Variants in GFPT1 observed in about 807,000 individuals in gnomAD.
GFPT1 encodes the protein glutamine--fructose-6-phosphate aminotransferase [isomerizing] 1.
GFPT1 carries 40 observed loss-of-function variants against 92.0 expected under a neutral mutation model. The ratio of observed to expected loss-of-function variants is 0.43; its 90% confidence interval spans 0.34 to 0.57. The LOEUF (loss-of-function observed/expected upper bound fraction) is 0.57. Among genes scored for constraint, GFPT1 ranks in the 20% least tolerant of loss-of-function variants. GFPT1 has a pLI of 0.02. For synonymous variants in GFPT1, 269 were observed against 280.6 expected (o/e 0.96, Z 0.41); for missense variants, 448 against 869.1 (o/e 0.52, Z 6.09).
At position 69,323,489 on chromosome 2, in the gene GFPT1, G is replaced by C. The variant is rs1256218407; in HGVS notation, c.*2700C>G. The C allele has an allele frequency of 6.6e-6, 1 of 152,018 alleles. No homozygotes were observed. Among genetic ancestry groups the C allele is most frequent in the African/African-American group, 2.4e-5 (1 of 41,374 alleles). The allele number at this position is 152,018 out of a possible 1,614,324, so 9.4% of individuals were successfully genotyped here. A position where few individuals can be genotyped will look rare whatever the true frequency, so the allele number is the denominator to read the frequency against. Reference sequence around the variant, plus strand: ...ATAGAGAGTAAGAAGACAGGAGAGAGAGGAGAAACCATGTTTTTTGTTTTG... The same window carrying C: ...ATAGAGAGTAAGAAGACAGGAGAGACAGGAGAAACCATGTTTTTTGTTTTG... On this transcript the variant is annotated 3_prime_UTR_variant, in exon 20 of 20. Coordinates refer to ENST00000357308, the MANE Select transcript of GFPT1 (RefSeq NM_001244710.2).
intron 8 of GFPT1, 81 bp downstream of exon 8, chr2:69,354,408 C>G: frequency 7.8e-7 from 1 of 1,277,622 alleles, no homozygotes; most frequent in South Asian, 1.2e-5. Flanking sequence ...ACATGTGCAT[C>G]TGACCAAAGA....
At position 69,327,898 on chromosome 2, in the gene GFPT1, T is replaced by G. The variant is rs545715790; in HGVS notation, c.1893+373A>C. On this transcript the variant is annotated intron_variant, in intron 18 of 19. Transcript: ENST00000357308. Reference sequence around the variant, plus strand: ...CAGGTGGATCACTTCAGGTCAGGAGTTCGACACCAGCCTGGCCAACATGAA... The same window carrying G: ...CAGGTGGATCACTTCAGGTCAGGAGGTCGACACCAGCCTGGCCAACATGAA... Among the ~76,000 whole-genome samples the G allele has an allele frequency of 5.9e-5, 9 of 151,410 alleles. 1 individual carries two copies. The highest frequency in any genetic ancestry group is 2.2e-4 in the African/African-American group (9 of 41,230).
At chr2:69,330,227 A>T (rs1367082360) in intron 15 of GFPT1, among the ~76,000 whole-genome samples, 1 of 152,140 alleles carries the variant, frequency 6.6e-6, no homozygotes, top group Non-Finnish European at 1.5e-5. Flanking sequence ...AAACTATCTT[A>T]GTAACAGTGA....
intron 4 of GFPT1, among the ~76,000 whole-genome samples, 184 bp downstream of exon 4, chr2:69,363,361 C>T (rs549594966): frequency 3.9e-5 from 6 of 152,230 alleles, no homozygotes; most frequent in Admixed American, 2.6e-4. Flanking sequence ...AACTCAGGCT[C>T]CCAAAGTGCT....
At chr2:69,341,042 C>T (rs1670938776) in intron 13 of GFPT1, among the ~76,000 whole-genome samples, 1 of 151,802 alleles carries the variant, frequency 6.6e-6, no homozygotes, top group Non-Finnish European at 1.5e-5. Flanking sequence ...TCACTGCAGC[C>T]TCACCTTCTG....
chr2:69,353,413 G>T (rs1004702228), intron 9 of GFPT1, among the ~76,000 whole-genome samples: 5 of 151,762 alleles, frequency 3.3e-5, no homozygotes, highest in African/African-American at 7.3e-5. Flanking sequence ...ACATGCCTGT[G>T]GTCCCAGCTA....
At chr2:69,382,365 G>A (rs905336044) in intron 1 of GFPT1, among the ~76,000 whole-genome samples, 2 of 152,192 alleles carry the variant, frequency 1.3e-5, no homozygotes, top group Admixed American at 1.3e-4. Flanking sequence ...TTCAGGGCTT[G>A]TAGGTCAGGA....
intron 7 of GFPT1, 52 bp from the exon 8 acceptor site, chr2:69,354,620 T>C (rs375214637): frequency 4.8e-6 from 5 of 1,035,470 alleles, no homozygotes; most frequent in East Asian, 4.7e-5. Flanking sequence ...AATAATGGAC[T>C]AATGACATAA....
At chr2:69,371,851 T>A (rs1284032140) in intron 2 of GFPT1, among the ~76,000 whole-genome samples, 1 of 146,498 alleles carries the variant, frequency 6.8e-6, no homozygotes, top group Non-Finnish European at 1.5e-5. Flanking sequence ...AAATAAAAAT[T>A]AAAAATAAAT....
At chr2:69,373,828 T>C (rs1045747766) in intron 2 of GFPT1, among the ~76,000 whole-genome samples, 178 bp downstream of exon 2, 1 of 152,170 alleles carries the variant, frequency 6.6e-6, no homozygotes, top group Admixed American at 6.5e-5. Context: ...TCCACATAAA[T>C]GGTAACACTG....
At chr2:69,337,283 T>C (rs2104615116) in intron 15 of GFPT1, among the ~76,000 whole-genome samples, 1 of 152,200 alleles carries the variant, frequency 6.6e-6, no homozygotes, top group South Asian at 2.1e-4. Context: ...CAGGCTGGTC[T>C]TGAACTCCTG....
At chr2:69,387,021 C>T (rs990177072) in intron 1 of GFPT1, 44 bp downstream of exon 1, 1 of 1,449,284 alleles carries the variant, frequency 6.9e-7, no homozygotes, top group East Asian at 2.5e-5. Flanking sequence ...GCACCGCACC[C>T]CAGCGCCACC....
At chr2:69,368,581 A>G (rs1671666514) in intron 3 of GFPT1, among the ~76,000 whole-genome samples, 1 of 152,160 alleles carries the variant, frequency 6.6e-6, no homozygotes, top group Non-Finnish European at 1.5e-5. Context: ...TACAAAAATT[A>G]GCCGGGCATG....
At chr2:69,338,079 T>A (rs548239705) in intron 14 of GFPT1, 24 bp from the exon 15 acceptor site, 2 of 1,611,230 alleles carry the variant, frequency 1.2e-6, no homozygotes, top group Non-Finnish European at 1.7e-6. Flanking sequence ...AGGCCAACCA[T>A]AACACACAGA....
At chr2:69,355,136 G>C (rs995710315) in intron 7 of GFPT1, among the ~76,000 whole-genome samples, 11 of 152,262 alleles carry the variant, frequency 7.2e-5, no homozygotes, top group African/African-American at 2.4e-4. Flanking sequence ...AGAGTGCAGT[G>C]GCGCAATCAC....
At chr2:69,331,849 T>G (rs1208273543) in intron 15 of GFPT1, among the ~76,000 whole-genome samples, 2 of 152,144 alleles carry the variant, frequency 1.3e-5, no homozygotes, top group African/African-American at 4.8e-5. Context: ...TAAAACGTAT[T>G]CAATACAATA....
intron 3 of GFPT1, among the ~76,000 whole-genome samples, chr2:69,366,703 G>T (rs1240268349): frequency 1.3e-5 from 2 of 152,012 alleles, no homozygotes; most frequent in Non-Finnish European, 2.9e-5. Context: ...CTCTCACCTG[G>T]TAATTATCTG....
chr2:69,342,391 CT>C, intron 12 of GFPT1, 142 bp from the exon 13 acceptor site: 1 of 661,882 alleles, frequency 1.5e-6, no homozygotes, highest in Non-Finnish European at 2.7e-6. Context: ...AAGCACAGTT[CT>C]CTGTAATTTT....
At chr2:69,339,633 G>A (rs1054021555) in intron 13 of GFPT1, among the ~76,000 whole-genome samples, 1 of 152,102 alleles carries the variant, frequency 6.6e-6, no homozygotes, top group Non-Finnish European at 1.5e-5. Flanking sequence ...TCAGGCAAGT[G>A]GCCCTCCCCA....
Sources: allele counts gnomAD v4.1 joint callset (sites outside exome capture counted in the v4.1 genomes callset), GRCh38; gene constraint gnomAD v4.1.1; transcripts MANE v1.5; gene names NCBI Gene and HGNC (gene_info 2026-07-23, HGNC 2026-07-21).